TMEM164: variants seen among roughly 807,000 people sequenced by gnomAD.
TMEM164 encodes transmembrane protein 164.
A neutral mutation model predicts 18.8 loss-of-function variants in TMEM164; 4 were observed. The ratio of observed to expected loss-of-function variants is 0.21; its 90% CI spans 0.10 to 0.49. The LOEUF (loss-of-function observed/expected upper bound fraction) is 0.49. TMEM164 is among the 20% of genes least tolerant of loss of function. TMEM164 has a pLI of 0.98. For synonymous variants in TMEM164, 86 were observed against 101.7 expected, an observed-to-expected ratio of 0.85 and a Z score of 0.93; for missense variants, 108 against 239.9, an observed-to-expected ratio of 0.45 and a Z score of 3.63.
chrX:110,060,719 GT>G (rs1936085340), intron 2 of TMEM164, among the ~76,000 whole-genome samples: 5 of 111,525 alleles, frequency 4.5e-5, no homozygotes, highest in Middle Eastern at 4.6e-3. Context: ...ATCTGTGGTA[GT>G]TCCTTAGTCT....
intron 5 of TMEM164, among the ~76,000 whole-genome samples, chrX:110,147,194 C>G (rs1162108669): frequency 8.9e-6 from 1 of 112,170 alleles, no homozygotes; most frequent in Non-Finnish European, 1.9e-5. Context: ...TTCCTCTGGC[C>G]TGTCCCTTCA....
At chrX:110,054,712 A>C (rs1288206349) in intron 2 of TMEM164, among the ~76,000 whole-genome samples, 2 of 111,675 alleles carry the variant, frequency 1.8e-5, no homozygotes, top group African/African-American at 6.5e-5. Flanking sequence ...TGGAGTTGAC[A>C]CGGGTCCTAA....
chrX:110,081,837 G>A (rs752158798), intron 3 of TMEM164, among the ~76,000 whole-genome samples: 1 of 111,891 alleles, frequency 8.9e-6, no homozygotes, highest in South Asian at 3.7e-4. Flanking sequence ...AGCTAACCAG[G>A]GGCCAGCATG....
At chrX:110,080,136 A>G (rs1297067796) in intron 3 of TMEM164, among the ~76,000 whole-genome samples, 2 of 111,284 alleles carry the variant, frequency 1.8e-5, no homozygotes, top group East Asian at 5.6e-4. Context: ...TAGCAGAATT[A>G]TTGTTGTTCT....
rs760785287 is a variant in TMEM164, at chrX:110,126,625, T to C, written c.507+17479T>C. Among the ~76,000 whole-genome samples, 125 of 111,702 alleles carry C rather than the reference T, an allele frequency of 1.1e-3. 1 individual carries two copies. Among genetic ancestry groups the C allele is most frequent in the African/African-American group, 3.8e-3 (117 of 30,757 alleles). On this transcript the variant is annotated intron_variant, in intron 4 of 6. Transcript: ENST00000372068. Reference sequence around the variant, plus strand: ...CTTCTGTCCTGTCTTTTAGCCCTTATAGTTTATAGTTTAGATTTTACATGT... The same window carrying C: ...CTTCTGTCCTGTCTTTTAGCCCTTACAGTTTATAGTTTAGATTTTACATGT...
intron 3 of TMEM164, among the ~76,000 whole-genome samples, chrX:110,090,858 A>T (rs1478236914): frequency 8.8e-5 from 6 of 68,373 alleles, no homozygotes; most frequent in African/African-American, 3.4e-4. Flanking sequence ...TCCCTCCCCC[A>T]GCCCCCCACC....
chrX:110,083,245 G>A (rs1483453771), intron 3 of TMEM164, among the ~76,000 whole-genome samples: 3 of 111,586 alleles, frequency 2.7e-5, no homozygotes, highest in Non-Finnish European at 5.7e-5. Flanking sequence ...AATTCATTTT[G>A]TGACTAGTAT....
chrX:110,103,193 C>T (rs1326010035), intron 3 of TMEM164, among the ~76,000 whole-genome samples: 1 of 111,944 alleles, frequency 8.9e-6, no homozygotes, highest in African/African-American at 3.2e-5. Context: ...GATGTGGCCA[C>T]AAGAGTAGAC....
At chrX:110,057,548 CTTTTTTT>C (rs199733800) in intron 2 of TMEM164, among the ~76,000 whole-genome samples, 7 of 80,573 alleles carry the variant, frequency 8.7e-5, no homozygotes, top group Non-Finnish European at 1.2e-4. Flanking sequence ...TAGAATAGGT[CTTTTTTT>C]TTTTTTTTTT....
intron 2 of TMEM164, among the ~76,000 whole-genome samples, chrX:110,020,857 A>G (rs1933777246): frequency 9.1e-6 from 1 of 110,387 alleles, no homozygotes; most frequent in Non-Finnish European, 1.9e-5. Flanking sequence ...TGAATAGTAT[A>G]GCTTTTTAAA....
intron 2 of TMEM164, among the ~76,000 whole-genome samples, chrX:110,040,811 C>T (rs1007257252): frequency 1.8e-5 from 2 of 111,247 alleles, no homozygotes; most frequent in African/African-American, 6.5e-5. Flanking sequence ...GTGGGCACAG[C>T]TGAACACTAA....
At position 110,059,700 on chromosome X, in the gene TMEM164, T is replaced by G. The variant is rs762423546; in HGVS notation, c.391-7647T>G. Reference sequence around the variant, plus strand: ...TTGAATGCAGCCCAACACAAATTCATAAATTTTCTTAAAACATTATGAGAT... The same window carrying G: ...TTGAATGCAGCCCAACACAAATTCAGAAATTTTCTTAAAACATTATGAGAT... On this transcript the variant is annotated intron_variant, in intron 2 of 6. Transcript: ENST00000372068. Among the ~76,000 whole-genome samples, 3 of 112,277 alleles carry G rather than the reference T, an allele frequency of 2.7e-5. No individual in the cohort carries two copies. The East Asian group carries it at 8.3e-4, about 31-fold the overall frequency.
At chrX:110,170,951 A>G (rs73540282) in intron 5 of TMEM164, among the ~76,000 whole-genome samples, 6,166 of 111,974 alleles carry the variant, frequency 0.055, 426 homozygotes, top group African/African-American at 0.19. Flanking sequence ...ACTCAAATCT[A>G]ACTTCATAGT....
intron 5 of TMEM164, among the ~76,000 whole-genome samples, chrX:110,145,112 ACTGT>A (rs1310338284): frequency 9.0e-6 from 1 of 110,840 alleles, no homozygotes; most frequent in Non-Finnish European, 1.9e-5. Context: ...GGTGCTGCTG[ACTGT>A]CTGTCACAGG....
chrX:110,164,887 G>A (rs1569358458), intron 5 of TMEM164, among the ~76,000 whole-genome samples: 1 of 112,097 alleles, frequency 8.9e-6, no homozygotes, highest in African/African-American at 3.3e-5. Flanking sequence ...GATGAAGCAG[G>A]CAAGGAGAGG....
intron 3 of TMEM164, among the ~76,000 whole-genome samples, chrX:110,091,425 C>G (rs141144590): frequency 9.0e-6 from 1 of 111,584 alleles, no homozygotes; most frequent in Non-Finnish European, 1.9e-5. Context: ...TGGTATCTCA[C>G]TGTGGTTTTG....
At chrX:110,013,042 A>T (rs756242426) in intron 2 of TMEM164, among the ~76,000 whole-genome samples, 88 of 112,065 alleles carry the variant, frequency 7.9e-4, no homozygotes, top group Non-Finnish European at 1.5e-3. Context: ...CCATGTGTTT[A>T]GGTGGGTAGG....
In TMEM164 at chrX:110,093,271, C is replaced by T. The variant is rs1406705812; in HGVS notation, c.441-15809C>T. On this transcript the variant is annotated intron_variant, in intron 3 of 6. Coordinates refer to ENST00000372068, the MANE Select transcript of TMEM164 (RefSeq NM_032227.4). Reference sequence around the variant, plus strand: ...CCTCTTTTTCTATTGATTGGAATAGCCCCTCTTTGTACCTCTGGTAGAATT... The same window carrying T: ...CCTCTTTTTCTATTGATTGGAATAGTCCCTCTTTGTACCTCTGGTAGAATT... Among the ~76,000 whole-genome samples the T allele has an allele frequency of 4.6e-5, 5 of 109,339 alleles. No homozygotes were observed. The Admixed American group carries it at 4.8e-4, about 11-fold the overall frequency. The allele number at this position is 109,339 out of a possible 115,157, so 94.9% of individuals were successfully genotyped here.
chrX:110,047,863 C>T (rs968772329), intron 2 of TMEM164, among the ~76,000 whole-genome samples: 6 of 111,995 alleles, frequency 5.4e-5, no homozygotes, highest in African/African-American at 2.0e-4. Context: ...AAGTCCAACC[C>T]CACCAGCCCC....
Sources: allele counts gnomAD v4.1 joint callset (sites outside exome capture counted in the v4.1 genomes callset), GRCh38; gene constraint gnomAD v4.1.1; transcripts MANE v1.5; gene names NCBI Gene and HGNC (gene_info 2026-07-23, HGNC 2026-07-21).